Variants in RGL1 observed in about 807,000 individuals in gnomAD.
RGL1 encodes the protein ral guanine nucleotide dissociation stimulator-like 1.
RGL1 carries 24 observed loss-of-function variants against 95.2 expected under a neutral mutation model. The ratio of observed to expected loss-of-function variants is 0.25; its 90% CI spans 0.18 to 0.35. The LOEUF is 0.35. RGL1 is among the 10% of genes least tolerant of loss of function. RGL1 has a pLI of 1.00. For synonymous variants in RGL1, 329 were observed against 344.9 expected, an observed-to-expected ratio of 0.95 and a Z score of 0.51; for missense variants, 715 against 936.3, an observed-to-expected ratio of 0.76 and a Z score of 3.08.
chr1:183,648,230 A>G (rs751773608), intron 1 of RGL1: 2 of 1,614,096 alleles, frequency 1.2e-6, no homozygotes, highest in African/African-American at 2.7e-5. Flanking sequence ...GACTCAAAAC[A>G]ACCCGCGGCC....
chr1:183,656,276 G>A (rs1651159026), intron 1 of RGL1, among the ~76,000 whole-genome samples: 1 of 152,126 alleles, frequency 6.6e-6, no homozygotes, highest in East Asian at 1.9e-4. Context: ...ATTTATGATG[G>A]TAACAGAGTG....
chr1:183,784,041 A>C (rs1264126126), intron 2 of RGL1, among the ~76,000 whole-genome samples: 1 of 152,202 alleles, frequency 6.6e-6, no homozygotes, highest in Non-Finnish European at 1.5e-5. Flanking sequence ...TCTAATCTGC[A>C]GGGCCTTGAA....
intron 1 of RGL1, among the ~76,000 whole-genome samples, chr1:183,643,648 G>A (rs1409293570): frequency 6.6e-6 from 1 of 151,864 alleles, no homozygotes; most frequent in Non-Finnish European, 1.5e-5. Context: ...TCAGGGTCTT[G>A]TTATGTTGCC....
chr1:183,709,086 T>G (rs896548994), intron 1 of RGL1, among the ~76,000 whole-genome samples: 2 of 152,166 alleles, frequency 1.3e-5, no homozygotes, highest in African/African-American at 4.8e-5. Flanking sequence ...AGGAAGTGCC[T>G]CAGTCTGATG....
chr1:183,704,109 A>G (rs778899749), intron 1 of RGL1, among the ~76,000 whole-genome samples: 3 of 152,176 alleles, frequency 2.0e-5, no homozygotes, highest in African/African-American at 4.8e-5. Context: ...CTGGCCTTGC[A>G]CAGGTTGTAG....
intron 1 of RGL1, among the ~76,000 whole-genome samples, chr1:183,708,598 T>G (rs893622788): frequency 3.9e-5 from 6 of 152,162 alleles, no homozygotes; most frequent in Admixed American, 3.3e-4. Flanking sequence ...ACAGAGGCAG[T>G]CCCCAACCAG....
At chr1:183,809,684 C>G (rs1306346968) in intron 2 of RGL1, among the ~76,000 whole-genome samples, 1 of 152,192 alleles carries the variant, frequency 6.6e-6, no homozygotes, top group Non-Finnish European at 1.5e-5. Flanking sequence ...GTGGCTCATT[C>G]TTGTAATCCC....
chr1:183,795,806 T>A (rs1660670923), intron 2 of RGL1, among the ~76,000 whole-genome samples: 1 of 152,222 alleles, frequency 6.6e-6, no homozygotes, highest in South Asian at 2.1e-4. Context: ...CTATGTTGTG[T>A]AGCGACTCAG....
At chr1:183,840,390 G>A (rs763115108) in intron 2 of RGL1, among the ~76,000 whole-genome samples, 33 of 152,140 alleles carry the variant, frequency 2.2e-4, no homozygotes, top group Non-Finnish European at 3.2e-4. Context: ...CAGGAGGGCA[G>A]GAAAAGGTCA....
In RGL1 at chr1:183,893,554, G is replaced by A. The variant is rs966587787; in HGVS notation, c.1140+1393G>A. Among the ~76,000 whole-genome samples, 7 of 152,288 alleles carry A rather than the reference G, an allele frequency of 4.6e-5. No homozygotes were observed. In the East Asian group the frequency reaches 1.3e-3, roughly 29 times the overall value. On this transcript the variant is annotated intron_variant, in intron 9 of 17. Coordinates refer to ENST00000360851, the MANE Select transcript of RGL1 (RefSeq NM_001297671.3). ...TAGGAGTGAAAATCAGGTAGAGGTG[G>A]GGTTAGTAAGAAAAGGCATCCAGGT...
chr1:183,691,602 C>G (rs749811953), intron 1 of RGL1, among the ~76,000 whole-genome samples: 5 of 152,060 alleles, frequency 3.3e-5, no homozygotes, highest in Non-Finnish European at 7.4e-5. Context: ...GGGATTTTCC[C>G]ATAATTCTAT....
chr1:183,863,405 G>A (rs1256376072), intron 3 of RGL1, among the ~76,000 whole-genome samples: 1 of 152,026 alleles, frequency 6.6e-6, no homozygotes, highest in Non-Finnish European at 1.5e-5. Context: ...CTGGGCTCAG[G>A]AGATCCTCTT....
intron 8 of RGL1, among the ~76,000 whole-genome samples, chr1:183,889,674 T>G (rs1043052289): frequency 6.6e-6 from 1 of 152,192 alleles, no homozygotes; most frequent in African/African-American, 2.4e-5. Flanking sequence ...CAGGGGATAG[T>G]CTACTTGGTG....
At chr1:183,663,386 T>A (rs1223475893) in intron 1 of RGL1, among the ~76,000 whole-genome samples, 1 of 147,028 alleles carries the variant, frequency 6.8e-6, no homozygotes, top group African/African-American at 2.7e-5. Context: ...AACAACCCCA[T>A]CAAAAAGTGG....
At chr1:183,858,781 G>GCTA (rs1665324759) in intron 3 of RGL1, among the ~76,000 whole-genome samples, 3 of 152,128 alleles carry the variant, frequency 2.0e-5, no homozygotes, top group Non-Finnish European at 4.4e-5. Flanking sequence ...CTCTACTAAA[G>GCTA]CTAACAGTAA....
At chr1:183,848,353 C>A (rs1425078263) in intron 3 of RGL1, among the ~76,000 whole-genome samples, 1 of 152,170 alleles carries the variant, frequency 6.6e-6, no homozygotes, top group Admixed American at 6.5e-5. Context: ...CACTGTTAAA[C>A]TTTAGATTTT....
intron 3 of RGL1, among the ~76,000 whole-genome samples, chr1:183,853,802 T>C (rs1664974698): frequency 6.6e-6 from 1 of 152,204 alleles, no homozygotes; most frequent in Non-Finnish European, 1.5e-5. Flanking sequence ...CAATATCACC[T>C]TCCTTGATTT....
At chr1:183,706,034 T>C (rs12739778) in intron 1 of RGL1, among the ~76,000 whole-genome samples, 67,489 of 151,800 alleles carry the variant, frequency 0.44, 16,314 homozygotes, top group East Asian at 0.76. Flanking sequence ...GGATGGGGGA[T>C]AAGGAAAGGT....
chr1:183,646,465 A>G (rs1163211081), intron 1 of RGL1: 1 of 152,090 alleles, frequency 6.6e-6, no homozygotes, highest in East Asian at 1.9e-4. Flanking sequence ...TTACGAGAAA[A>G]TGTACATTTT....
Sources: allele counts gnomAD v4.1 joint callset (sites outside exome capture counted in the v4.1 genomes callset), GRCh38; gene constraint gnomAD v4.1.1; transcripts MANE v1.5; gene names NCBI Gene and HGNC (gene_info 2026-07-23, HGNC 2026-07-21).